The following ANTXR1 variants were observed in gnomAD, a reference collection of about 807,000 sequenced individuals.
ANTXR1 encodes the protein anthrax toxin receptor 1.
A neutral mutation model predicts 78.1 loss-of-function variants in ANTXR1; 19 were observed. The ratio of observed to expected loss-of-function variants is 0.24; its 90% CI spans 0.17 to 0.36. ANTXR1 has a LOEUF of 0.36. ANTXR1 is among the 10% of genes least tolerant of loss of function. The pLI is 1.00. For synonymous variants in ANTXR1, 273 were observed against 260.5 expected, an observed-to-expected ratio of 1.05 and a Z score of -0.46; for missense variants, 518 against 718.6, an observed-to-expected ratio of 0.72 and a Z score of 3.19.
At chr2:69,057,349 C>T (rs539275856) in intron 3 of ANTXR1, among the ~76,000 whole-genome samples, 18 of 152,308 alleles carry the variant, frequency 1.2e-4, no homozygotes, top group African/African-American at 3.8e-4. Flanking sequence ...TCATGGCAAC[C>T]ATGATTTGAG....
At position 69,216,747 on chromosome 2, in the gene ANTXR1, T is replaced by A. The variant is rs77743779; in HGVS notation, c.1434+23332T>A. On this transcript the variant is annotated intron_variant, in intron 17 of 17. Transcript: ENST00000303714. ...AAACTCTTTGTCTATTCTGTAAATGTTTGCAAATCAAAGAAAGAGCCCTTT... is the reference window on the plus strand; with the variant it reads ...AAACTCTTTGTCTATTCTGTAAATGATTGCAAATCAAAGAAAGAGCCCTTT... Among the ~76,000 whole-genome samples, 9 of 152,320 alleles carry A rather than the reference T, an allele frequency of 5.9e-5. No individual in the cohort carries two copies. The East Asian group carries it at 1.7e-3, about 29-fold the overall frequency.
chr2:69,115,210 C>A (rs190521285), intron 10 of ANTXR1, among the ~76,000 whole-genome samples: 7 of 152,306 alleles, frequency 4.6e-5, no homozygotes, highest in African/African-American at 1.7e-4. Context: ...AAATCAACCC[C>A]CATTTGAGAA....
chr2:69,189,353 G>C (rs995613360), intron 16 of ANTXR1, among the ~76,000 whole-genome samples: 2 of 152,204 alleles, frequency 1.3e-5, no homozygotes. Flanking sequence ...AAAGTAGAAA[G>C]TACTTATCCA....
chr2:69,101,779 C>T (rs2104315988), intron 9 of ANTXR1, among the ~76,000 whole-genome samples: 1 of 152,292 alleles, frequency 6.6e-6, no homozygotes, highest in East Asian at 1.9e-4. Context: ...CAGTCTATTT[C>T]TCTTGTGATA....
At chr2:69,173,244 G>A (rs902004342) in intron 14 of ANTXR1, among the ~76,000 whole-genome samples, 24 of 152,224 alleles carry the variant, frequency 1.6e-4, no homozygotes, top group African/African-American at 4.1e-4. Flanking sequence ...CTTACTGGCC[G>A]CCTCTCTGCC....
At chr2:69,016,470 G>A (rs1671029102) in intron 1 of ANTXR1, among the ~76,000 whole-genome samples, 1 of 151,792 alleles carries the variant, frequency 6.6e-6, no homozygotes, top group Non-Finnish European at 1.5e-5. Context: ...AAAAGCTGAG[G>A]ATTACATGTG....
Position 69,246,384 on chromosome 2 carries a change from T to C in ANTXR1, c.*899T>C, listed in dbSNP as rs1161774891. 1.3e-5 allele frequency: 2 copies of C among 152,192 alleles called. No individual in the cohort carries two copies. Among genetic ancestry groups the C allele is most frequent in the Non-Finnish European group, 2.9e-5 (2 of 68,042 alleles). The allele number at this position is 152,192 out of a possible 1,614,324, so 9.4% of individuals were successfully genotyped here. A position where few individuals can be genotyped will look rare whatever the true frequency, so the allele number is the denominator to read the frequency against. ...AGTTTAAATCACTTGAGGTATGAAGTTTATCCTGTTTTCCAGAGATAAACA... is the reference window on the plus strand; with the variant it reads ...AGTTTAAATCACTTGAGGTATGAAGCTTATCCTGTTTTCCAGAGATAAACA... On this transcript the variant is annotated 3_prime_UTR_variant, in exon 18 of 18. Coordinates refer to ENST00000303714, the MANE Select transcript of ANTXR1 (RefSeq NM_032208.3).
chr2:69,073,024 T>C lies in ANTXR1; in HGVS notation c.415T>C (p.Tyr139His). The stretch of plus-strand genomic sequence containing the variant: ...CCAGTCTGTATTGTGTTAAACAGGG[T>C]ACAGGACAGCCAGCGTCATCATTGC... Reference protein sequence around the residue: ...EQIYYENRQGYRTASVIIALT... With the variant: ...EQIYYENRQGHRTASVIIALT... The change falls in exon 6 of 18, where the codon TAC (tyrosine) becomes CAC (histidine). Residue 139 changes from tyrosine to histidine, a missense_variant and splice_region_variant. This residue lies in a region of ANTXR1 where 264 missense variants were observed against 391.8 expected (regional missense o/e 0.67). Transcript: ENST00000303714. The C allele has an allele frequency of 1.2e-6, 2 of 1,614,000 alleles. No individual in the cohort carries two copies. Among genetic ancestry groups the C allele is most frequent in the Non-Finnish European group, 1.7e-6 (2 of 1,179,864 alleles).
chr2:69,032,886 A>G (rs971721898), intron 1 of ANTXR1, among the ~76,000 whole-genome samples: 1 of 152,200 alleles, frequency 6.6e-6, no homozygotes, highest in African/African-American at 2.4e-5. Context: ...GACACAGTAC[A>G]TATACAATAC....
chr2:69,083,901 T>C (rs1457598054), intron 8 of ANTXR1, among the ~76,000 whole-genome samples: 1 of 152,250 alleles, frequency 6.6e-6, no homozygotes, highest in African/African-American at 2.4e-5. Context: ...AAAAATCTTT[T>C]GCCTCAGCAG....
intron 3 of ANTXR1, among the ~76,000 whole-genome samples, chr2:69,068,221 A>G (rs971438963): frequency 6.6e-6 from 1 of 152,248 alleles, no homozygotes; most frequent in Admixed American, 6.5e-5. Flanking sequence ...AATGGGGACC[A>G]AAACAGCCAT....
Position 69,245,502 on chromosome 2 carries a change from T to C in ANTXR1, c.*17T>C. Reference sequence around the variant, plus strand: ...TCTGTCTAGAGCCCAAAGTTCCTGCTCTGGGCTCTCTCAGAAACTTCAGGA... The same window carrying C: ...TCTGTCTAGAGCCCAAAGTTCCTGCCCTGGGCTCTCTCAGAAACTTCAGGA... On this transcript the variant is annotated 3_prime_UTR_variant, in exon 18 of 18. Transcript: ENST00000303714. 2 of 1,612,582 alleles carry C rather than the reference T, an allele frequency of 1.2e-6. No homozygotes were observed. The highest frequency in any genetic ancestry group is 1.7e-6 in the Non-Finnish European group (2 of 1,179,582).
intron 1 of ANTXR1, among the ~76,000 whole-genome samples, chr2:69,021,974 T>C (rs1671202551): frequency 6.6e-6 from 1 of 152,246 alleles, no homozygotes; most frequent in African/African-American, 2.4e-5. Context: ...ATACTTTAGA[T>C]GAAATATTCA....
intron 1 of ANTXR1, among the ~76,000 whole-genome samples, chr2:69,014,319 C>T (rs1402550488): frequency 2.0e-5 from 3 of 152,044 alleles, no homozygotes; most frequent in Non-Finnish European, 2.9e-5. Context: ...GTAACATCCC[C>T]CGCCCCCCAC....
chr2:69,066,931 G>A (rs573893214), intron 3 of ANTXR1, among the ~76,000 whole-genome samples: 126 of 152,278 alleles, frequency 8.3e-4, no homozygotes, highest in African/African-American at 2.9e-3. Context: ...TTCCCAGGAA[G>A]ATAACATTTC....
Position 69,193,322 on chromosome 2 carries a change from T to C in ANTXR1, c.1354-13T>C. ...GTTTCATATGTAATCTTGGTGCATT[T>C]GTTTTATTTCAGGGAAAACTCGATG... On this transcript the variant is annotated splice_polypyrimidine_tract_variant and intron_variant, in intron 16 of 17. Transcript: ENST00000303714. The C allele has an allele frequency of 6.2e-7, 1 of 1,613,700 alleles. No homozygotes were observed. The highest frequency in any genetic ancestry group is 2.2e-5 in the East Asian group (1 of 44,876).
chr2:69,171,596 T>G (rs1265362860), intron 14 of ANTXR1, among the ~76,000 whole-genome samples: 1 of 152,204 alleles, frequency 6.6e-6, no homozygotes, highest in Non-Finnish European at 1.5e-5. Context: ...GGGTTGTGGC[T>G]TTTTCTTTTG....
intron 4 of ANTXR1, among the ~76,000 whole-genome samples, chr2:69,070,982 C>T (rs372028790): frequency 7.9e-5 from 12 of 152,270 alleles, no homozygotes; most frequent in African/African-American, 1.9e-4. Flanking sequence ...CACAAATTCA[C>T]GCCACACACA....
chr2:69,079,047 G>A lies in ANTXR1; in HGVS notation c.642+1559G>A, dbSNP rs148133679. 1.1e-4 allele frequency among the ~76,000 whole-genome samples: 17 copies of A among 152,104 alleles called. No homozygotes were observed. In the East Asian group the frequency reaches 2.7e-3, roughly 24 times the overall value. ...ATTGCAAAAATTCATCCCACCTCAG[G>A]TTGGGAATTTCTGTCTTAATTATGT... On this transcript the variant is annotated intron_variant, in intron 8 of 17. Transcript: ENST00000303714.
Sources: gnomAD v4.1 joint callset for allele counts (sites outside exome capture counted in the v4.1 genomes callset) on GRCh38, gnomAD v4.1.1 for gene constraint, gnomAD v4.1.1 regional missense constraint, MANE v1.5 for transcripts, NCBI Gene and HGNC (gene_info 2026-07-23, HGNC 2026-07-21) for gene names.